Variants in RPS6KA5 observed in about 807,000 individuals in gnomAD.
RPS6KA5 encodes ribosomal protein S6 kinase alpha-5.
In RPS6KA5, 27 loss-of-function variants were observed where a neutral mutation model predicts 85.5. That is an observed-to-expected ratio of 0.32 (90% CI 0.23 to 0.44). The LOEUF (loss-of-function observed/expected upper bound fraction) is 0.44. Among genes scored for constraint, RPS6KA5 ranks in the 20% least tolerant of loss-of-function variants. The pLI is 1.00. For synonymous variants in RPS6KA5, 334 were observed against 348.2 expected (o/e 0.96, Z 0.46); for missense variants, 811 against 980.9 (o/e 0.83, Z 2.31).
At chr14:91,053,538 T>C (rs1032574777) in intron 1 of RPS6KA5, among the ~76,000 whole-genome samples, 3 of 152,208 alleles carry the variant, frequency 2.0e-5, no homozygotes, top group Non-Finnish European at 2.9e-5. Flanking sequence ...TGTACCTCTA[T>C]ACTCTTGGAA....
In RPS6KA5 at chr14:90,867,406, C is replaced by T. The variant is rs1473883364; in HGVS notation, c.*4668G>A. 6.6e-6 allele frequency: 1 copy of T among 151,784 alleles called. No homozygotes were observed. The highest frequency in any genetic ancestry group is 2.4e-5 in the African/African-American group (1 of 41,296). The allele number at this position is 151,784 out of a possible 1,614,324, so 9.4% of individuals were successfully genotyped here. ...ATTAAAAGTGTTATGCAATGAGAAA[C>T]AATAATGGAAACAGCATAATACTAC... On this transcript the variant is annotated 3_prime_UTR_variant, in exon 17 of 17. Transcript: ENST00000614987.
At chr14:90,993,573 C>T (rs2040396241) in intron 2 of RPS6KA5, among the ~76,000 whole-genome samples, 1 of 152,088 alleles carries the variant, frequency 6.6e-6, no homozygotes, top group African/African-American at 2.4e-5. Context: ...TTTCTCTGGG[C>T]ATTTTGAAGA....
At chr14:90,895,165 C>T (rs1222597646) in intron 12 of RPS6KA5, among the ~76,000 whole-genome samples, 1 of 6,934 alleles carries the variant, frequency 1.4e-4, no homozygotes, top group Non-Finnish European at 2.6e-4. Context: ...GCCTGGCACA[C>T]CCATCCAAGG....
chr14:90,994,748 GT>G (rs2040447921), intron 2 of RPS6KA5, among the ~76,000 whole-genome samples: 1 of 149,046 alleles, frequency 6.7e-6, no homozygotes, highest in Non-Finnish European at 1.5e-5. Context: ...ATTTTTTTTT[GT>G]TTTTAGTAGA....
chr14:90,990,314 A>T (rs2040248961), intron 2 of RPS6KA5, among the ~76,000 whole-genome samples: 1 of 152,214 alleles, frequency 6.6e-6, no homozygotes, highest in African/African-American at 2.4e-5. Context: ...AACGCAAATA[A>T]AAACCACAAT....
At chr14:91,059,406 C>T (rs1281521090) in intron 1 of RPS6KA5, among the ~76,000 whole-genome samples, 2 of 150,278 alleles carry the variant, frequency 1.3e-5, no homozygotes, top group Non-Finnish European at 3.0e-5. Flanking sequence ...CGCTCACAAA[C>T]ATATCTAGTA....
chr14:90,961,618 T>A (rs1312492095), intron 3 of RPS6KA5, among the ~76,000 whole-genome samples: 1 of 152,182 alleles, frequency 6.6e-6, no homozygotes, highest in Non-Finnish European at 1.5e-5. Context: ...GGAGGGCTCA[T>A]CTGAATGTCA....
rs939826341 is a variant in RPS6KA5 at position 90,899,366 on chromosome 14, G to T, written c.1436C>A (p.Pro479His). 1.2e-6 allele frequency: 2 copies of T among 1,612,798 alleles called. No homozygotes were observed. The highest frequency in any genetic ancestry group is 1.7e-6 in the Non-Finnish European group (2 of 1,179,588). The change falls in exon 12 of 17, where the codon CCC (proline) becomes CAC (histidine). Residue 479 changes from proline (P) to histidine (H), a missense_variant. By Grantham distance (77) the Pro-to-His change is moderately conservative. Coordinates refer to ENST00000614987, the MANE Select transcript of RPS6KA5 (RefSeq NM_004755.4). Reference sequence around the variant, plus strand: ...AACTTCATGCAACTTCACAATATTGGGGTGTCCTTCACAGAGTTTCAGAGC... The same window carrying T: ...AACTTCATGCAACTTCACAATATTGTGGTGTCCTTCACAGAGTTTCAGAGC... ...ITALKLCEGH[P>H]NIVKLHEVFH...
At chr14:91,059,340 G>T (rs868349135) in intron 1 of RPS6KA5, among the ~76,000 whole-genome samples, 1 of 127,590 alleles carries the variant, frequency 7.8e-6, no homozygotes, top group South Asian at 2.5e-4. Flanking sequence ...AACTCTGTCT[G>T]AAAAAAAAAA....
intron 5 of RPS6KA5, among the ~76,000 whole-genome samples, chr14:90,936,170 C>G (rs978281869): frequency 6.6e-6 from 1 of 152,166 alleles, no homozygotes; most frequent in African/African-American, 2.4e-5. Context: ...GAGAACAGAA[C>G]AGTAAAAGTA....
At chr14:91,027,230 A>G (rs1222591145) in intron 1 of RPS6KA5, among the ~76,000 whole-genome samples, 1 of 152,150 alleles carries the variant, frequency 6.6e-6, no homozygotes, top group Non-Finnish European at 1.5e-5. Context: ...TAGGATTTTT[A>G]TAGTTTGAGG....
At position 90,891,288 on chromosome 14, in the gene RPS6KA5, T is replaced by C. The variant is rs189383812; in HGVS notation, c.1645-610A>G. On this transcript the variant is annotated intron_variant, in intron 13 of 16. Transcript: ENST00000614987. ...GCTATATAATATCTAGTATTGCCTATTGAAGAAGACATGGTAGAGACACCC... is the reference window on the plus strand; with the variant it reads ...GCTATATAATATCTAGTATTGCCTACTGAAGAAGACATGGTAGAGACACCC... 2.5e-3 allele frequency among the ~76,000 whole-genome samples: 378 copies of C among 150,904 alleles called. 1 individual carries two copies. The highest frequency in any genetic ancestry group is 2.8e-3 in the Non-Finnish European group (193 of 67,860).
chr14:91,048,842 TA>T (rs1566907536), intron 1 of RPS6KA5, among the ~76,000 whole-genome samples: 1 of 152,228 alleles, frequency 6.6e-6, no homozygotes, highest in African/African-American at 2.4e-5. Flanking sequence ...AAGCTTCAAC[TA>T]ACACATGATG....
intron 5 of RPS6KA5, among the ~76,000 whole-genome samples, chr14:90,927,809 T>A (rs2140310250): frequency 6.6e-6 from 1 of 152,174 alleles, no homozygotes; most frequent in South Asian, 2.1e-4. Context: ...GAAGGAAAAA[T>A]ATTAGTAAAG....
chr14:90,927,454 T>C (rs1029132674), intron 5 of RPS6KA5, among the ~76,000 whole-genome samples: 7 of 152,032 alleles, frequency 4.6e-5, no homozygotes, highest in African/African-American at 7.2e-5. Flanking sequence ...ATGTTATTTA[T>C]AAAAGGCACA....
chr14:90,890,123 G>C (rs1214628481), intron 14 of RPS6KA5, among the ~76,000 whole-genome samples: 2 of 152,114 alleles, frequency 1.3e-5, no homozygotes, highest in African/African-American at 2.4e-5. Flanking sequence ...ATTTTAGTCT[G>C]AAACTTCACA....
rs1187990283 is a variant in RPS6KA5, at chr14:91,060,641, C to G, written c.-207G>C. 5.1e-6 allele frequency: 3 copies of G among 584,154 alleles called. No homozygotes were observed. Among genetic ancestry groups the G allele is most frequent in the Non-Finnish European group, 7.5e-6 (3 of 399,524 alleles). The allele number at this position is 584,154 out of a possible 1,614,324, so 36.2% of individuals were successfully genotyped here. A position where few individuals can be genotyped will look rare whatever the true frequency, so the allele number is the denominator to read the frequency against. On this transcript the variant is annotated 5_prime_UTR_variant, in exon 1 of 17. Coordinates refer to ENST00000614987, the MANE Select transcript of RPS6KA5 (RefSeq NM_004755.4). ...CCTTCGGCGGGCACCGCTAGTACCG[C>G]GCAACCAAACCGCCCCCTGCTCCAC...
At chr14:90,995,185 C>T (rs1460746390) in intron 2 of RPS6KA5, among the ~76,000 whole-genome samples, 4 of 152,116 alleles carry the variant, frequency 2.6e-5, no homozygotes, top group Non-Finnish European at 2.9e-5. Flanking sequence ...GCCACAACGC[C>T]TGGCTAATTT....
intron 14 of RPS6KA5, among the ~76,000 whole-genome samples, chr14:90,881,752 C>T (rs866702526): frequency 1.2e-4 from 19 of 152,262 alleles, no homozygotes; most frequent in Middle Eastern, 6.8e-3. Flanking sequence ...TCGCCTGCCT[C>T]GGCCTCCCAA....
Sources: gnomAD v4.1 joint callset for allele counts (sites outside exome capture counted in the v4.1 genomes callset) on GRCh38, gnomAD v4.1.1 for gene constraint, MANE v1.5 for transcripts, NCBI Gene and HGNC (gene_info 2026-07-23, HGNC 2026-07-21) for gene names.